The following GLB1L3 variants were observed in gnomAD, a reference collection of about 807,000 sequenced individuals.
GLB1L3 encodes galactosidase beta 1 like 3, also known as beta-galactosidase-1-like protein 3.
A neutral mutation model predicts 89.5 loss-of-function variants in GLB1L3; 89 were observed. The observed-to-expected ratio is 0.99, with a 90% confidence interval of 0.84 to 1.19. GLB1L3 has a LOEUF of 1.19. Among genes scored for constraint, GLB1L3 ranks in the 50% most tolerant of loss-of-function variants. GLB1L3 has a pLI of 0.00. For missense variants in GLB1L3, 812 were observed against 813.3 expected, an observed-to-expected ratio of 1.00 and a Z score of 0.02; for synonymous variants, 314 against 312.3, an observed-to-expected ratio of 1.01 and a Z score of -0.06.
intron 9 of GLB1L3, among the ~76,000 whole-genome samples, chr11:134,297,707 A>G (rs1941722713): frequency 6.6e-6 from 1 of 151,930 alleles, no homozygotes; most frequent in African/African-American, 2.4e-5. Flanking sequence ...TTAAAATACA[A>G]AAATTAGCTG....
intron 3 of GLB1L3, among the ~76,000 whole-genome samples, chr11:134,278,408 C>T (rs1940499578): frequency 6.6e-6 from 1 of 152,136 alleles, no homozygotes; most frequent in South Asian, 2.1e-4. Context: ...CCTCAGCCTC[C>T]TGAACAGCTG....
chr11:134,323,787 C>CT (rs536533644), downstream of GLB1L3, among the ~76,000 whole-genome samples: 171 of 151,178 alleles, frequency 1.1e-3, no homozygotes, highest in Non-Finnish European at 1.9e-3. Context: ...AATATTAAGC[C>CT]TTTTTTTTTC....
chr11:134,292,358 A>G (rs946324599), intron 8 of GLB1L3, 145 bp downstream of exon 8: 12 of 607,186 alleles, frequency 2.0e-5, no homozygotes, highest in Non-Finnish European at 3.2e-5. Flanking sequence ...TCGATGTTAC[A>G]ATAAATGAGG....
At chr11:134,305,153 A>T in intron 9 of GLB1L3, 5 of 1,442,454 alleles carry the variant, frequency 3.5e-6, no homozygotes, top group Non-Finnish European at 4.8e-6. Flanking sequence ...CAGATGCCTC[A>T]CAAGCAGCAA....
chr11:134,313,263 G>T, intron 15 of GLB1L3, 133 bp from the exon 16 acceptor site: 5 of 661,464 alleles, frequency 7.6e-6, no homozygotes, highest in Non-Finnish European at 1.1e-5. Flanking sequence ...CTTAGGTGAA[G>T]GGAAGACTGC....
intron 10 of GLB1L3, among the ~76,000 whole-genome samples, chr11:134,308,556 T>TCACCATCAC (rs1565414471): frequency 5.2e-5 from 3 of 57,522 alleles, no homozygotes; most frequent in Non-Finnish European, 9.3e-5. Flanking sequence ...ACCATCACCA[T>TCACCATCAC]CACCACCACC....
At chr11:134,294,706 A>G (rs1285102135) in intron 9 of GLB1L3, among the ~76,000 whole-genome samples, 1 of 152,186 alleles carries the variant, frequency 6.6e-6, no homozygotes, top group East Asian at 1.9e-4. Context: ...TACCTTTTCT[A>G]GACGTTTCAC....
At chr11:134,302,472 ATATAT>A (rs1324656411) in intron 9 of GLB1L3, among the ~76,000 whole-genome samples, 3 of 152,212 alleles carry the variant, frequency 2.0e-5, no homozygotes, top group East Asian at 1.9e-4. Context: ...TAATTCTATA[ATATAT>A]TCATAATAGG....
intron 9 of GLB1L3, among the ~76,000 whole-genome samples, chr11:134,300,963 C>G (rs1941916578): frequency 6.6e-6 from 1 of 152,194 alleles, no homozygotes; most frequent in African/African-American, 2.4e-5. Flanking sequence ...GCCCGGGATT[C>G]TCCCGAATCT....
In GLB1L3 at chr11:134,318,320, G is replaced by A. The variant is rs1032234976; in HGVS notation, c.1780-311G>A. On this transcript the variant is annotated intron_variant, in intron 18 of 19. Coordinates refer to ENST00000431683, the MANE Select transcript of GLB1L3 (RefSeq NM_001080407.3). Reference sequence around the variant, plus strand: ...GCTTTTATATTAATAGCCACTGTCAGCAGTGGTGTTCATCACTATTACCTG... The same window carrying A: ...GCTTTTATATTAATAGCCACTGTCAACAGTGGTGTTCATCACTATTACCTG... Among the ~76,000 whole-genome samples the A allele has an allele frequency of 2.2e-4, 33 of 152,322 alleles. 1 individual carries two copies. The highest frequency in any genetic ancestry group is 6.5e-4 in the Admixed American group (10 of 15,292).
At chr11:134,293,028 A>G (rs986320648) in intron 8 of GLB1L3, 117 bp from the exon 9 acceptor site, 15 of 789,588 alleles carry the variant, frequency 1.9e-5, no homozygotes, top group African/African-American at 1.9e-4. Context: ...GCATCTCGCC[A>G]TCCTCACTGC....
rs755984875 is a variant in GLB1L3 at position 134,277,378 on chromosome 11, T to C, written c.76T>C (p.Ser26Pro). 2.5e-6 allele frequency: 4 copies of C among 1,613,914 alleles called. No homozygotes were observed. The highest frequency in any genetic ancestry group is 3.4e-6 in the Non-Finnish European group (4 of 1,179,876). The change falls in exon 2 of 20, where the codon TCA becomes CCA. Residue 26 changes from serine to proline, a missense_variant. Physicochemically the swap from Ser to Pro is moderately conservative, Grantham distance 74 (BLOSUM62 -1). Transcript: ENST00000431683. ...GGGCATCTTTTTCCTGCCATTTATC[T>C]CATCAGGTTTTGCTCCTCGGTTTAA... ...MAGIFFLPFI[S>P]SGFAPRFKQE...
intron 5 of GLB1L3, among the ~76,000 whole-genome samples, chr11:134,283,201 T>G (rs1940793474): frequency 6.6e-6 from 1 of 152,078 alleles, no homozygotes; most frequent in African/African-American, 2.4e-5. Flanking sequence ...TAGCTGGGAT[T>G]ACAGGCGCCC....
rs78146715 is a variant in GLB1L3 at position 134,309,792 on chromosome 11, C to T, written c.1099+29C>T. The T allele has an allele frequency of 3.1e-3, 4,982 of 1,609,206 alleles. 170 individuals are homozygous for T. The East Asian group carries it at 0.079, about 26-fold the overall frequency. The stretch of plus-strand genomic sequence containing the variant: ...AGTGTCGCTGGTGTAGTAGCCTCTC[C>T]AGCATGGGCGGTGCTGGGGCTTTAC... On this transcript the variant is annotated intron_variant, in intron 11 of 19. Coordinates refer to ENST00000431683, the MANE Select transcript of GLB1L3 (RefSeq NM_001080407.3).
chr11:134,292,584 G>A, intron 8 of GLB1L3: 1 of 218,072 alleles, frequency 4.6e-6, no homozygotes. Flanking sequence ...ACCAGAAGAT[G>A]GGTGTTGTGT....
downstream of GLB1L3, among the ~76,000 whole-genome samples, chr11:134,321,661 T>C (rs1232040769): frequency 1.3e-5 from 2 of 151,936 alleles, no homozygotes; most frequent in Admixed American, 6.6e-5. Context: ...CAGCAAACTA[T>C]CGCAAGGACA....
intron 16 of GLB1L3, among the ~76,000 whole-genome samples, 184 bp downstream of exon 16, chr11:134,313,658 G>A (rs1161855580): frequency 1.3e-5 from 2 of 152,348 alleles, no homozygotes; most frequent in African/African-American, 4.8e-5. Context: ...TCCAGGGCCA[G>A]AGGGTGGGGC....
intron 13 of GLB1L3, 74 bp from the exon 14 acceptor site, chr11:134,312,275 A>G: frequency 5.8e-6 from 9 of 1,545,864 alleles, no homozygotes; most frequent in Non-Finnish European, 7.9e-6. Flanking sequence ...GCAGGACCAA[A>G]TGACAGGGTC....
chr11:134,316,312 G>A (rs1942976906), intron 18 of GLB1L3, among the ~76,000 whole-genome samples: 3 of 151,304 alleles, frequency 2.0e-5, no homozygotes, highest in Admixed American at 2.0e-4. Context: ...ATAATTATAA[G>A]CCATATTTCA....
Sources: allele counts gnomAD v4.1 joint callset (sites outside exome capture counted in the v4.1 genomes callset), GRCh38; gene constraint gnomAD v4.1.1; transcripts MANE v1.5; gene names NCBI Gene and HGNC (gene_info 2026-07-23, HGNC 2026-07-21).